BCLAF1: variants seen among roughly 807,000 people sequenced by gnomAD.
BCLAF1 encodes the protein bcl-2-associated transcription factor 1.
A neutral mutation model predicts 99.5 loss-of-function variants in BCLAF1; 10 were observed. The ratio of observed to expected loss-of-function variants is 0.10; its 90% confidence interval spans 0.06 to 0.17. The LOEUF (loss-of-function observed/expected upper bound fraction) is 0.17, where lower values mean the gene tolerates loss of function less well. Ranked by LOEUF, BCLAF1 falls within the 10% of genes least tolerant of loss-of-function variation. BCLAF1 has a pLI of 1.00. For missense variants in BCLAF1, 636 were observed against 1,105.8 expected (o/e 0.58, Z 6.02); for synonymous variants, 255 against 370.9 (o/e 0.69, Z 3.59).
chr6:136,273,125 T>A lies in BCLAF1; in HGVS notation c.1915A>T (p.Thr639Ser), dbSNP rs781345287. The change falls in exon 7 of 13, where the codon ACT (threonine) becomes TCT (serine). Residue 639 changes from threonine to serine, a missense_variant. Physicochemically the swap from Thr to Ser is moderately conservative, Grantham distance 58. Coordinates refer to ENST00000531224, the MANE Select transcript of BCLAF1 (RefSeq NM_014739.3). Reference sequence around the variant, plus strand: ...TTTTGCCGAGTACTATGTTCTTCAGTGGCTTTCTGATACGAAGTGAACCGC... The same window carrying A: ...TTTTGCCGAGTACTATGTTCTTCAGAGGCTTTCTGATACGAAGTGAACCGC... The part of the protein sequence containing the change: ...NERFTSYQKA[T>S]EEHSTRQKSP... 6.2e-7 allele frequency: 1 copy of A among 1,612,310 alleles called. No individual in the cohort carries two copies. Among genetic ancestry groups the A allele is most frequent in the Admixed American group, 1.7e-5 (1 of 59,922 alleles).
At position 136,278,612 on chromosome 6, in the gene BCLAF1, C is replaced by T. The variant is rs370565896; in HGVS notation, c.269G>A (p.Arg90Gln). The T allele has an allele frequency of 1.2e-6, 2 of 1,611,562 alleles. No homozygotes were observed. The highest frequency in any genetic ancestry group is 1.1e-5 in the South Asian group (1 of 90,962). The change falls in exon 4 of 13, where the codon CGA (arginine) becomes CAA (glutamine). Residue 90 changes from arginine to glutamine, a missense_variant. Physicochemically the swap from Arg to Gln is conservative, Grantham distance 43. Transcript: ENST00000531224. ...ATTCCAGACAGGTCTATAACCACCTCGATGATATCTACCTCCTCCTCCTTG... is the reference window on the plus strand; with the variant it reads ...ATTCCAGACAGGTCTATAACCACCTTGATGATATCTACCTCCTCCTCCTTG... Reference protein sequence around the residue: ...YYQGGGGRYHRGGYRPVWNRR... With the variant: ...YYQGGGGRYHQGGYRPVWNRR...
rs550472036 is a variant in BCLAF1, at chr6:136,273,245, T to C, written c.1853-58A>G. 8.5e-4 allele frequency: 1,229 copies of C among 1,451,724 alleles called. 3 individuals carry two copies. Among genetic ancestry groups the C allele is most frequent in the Non-Finnish European group, 1.1e-3 (1,179 of 1,042,542 alleles). 89.9% of individuals were successfully genotyped at this position (1,451,724 alleles called of 1,614,324 possible). A position where few individuals can be genotyped will look rare whatever the true frequency, so the allele number is the denominator to read the frequency against. On this transcript the variant is annotated intron_variant, in intron 6 of 12. Transcript: ENST00000531224. ...TTAACTTTACTTTAAGAGAGATTTG[T>C]TTGTGACAGAAGGGCATGTAGCAGG...
At position 136,269,449 on chromosome 6, in the gene BCLAF1, T is replaced by A. The variant is rs1782191555; in HGVS notation, c.2207A>T (p.Tyr736Phe). The A allele has an allele frequency of 1.2e-6, 2 of 1,606,634 alleles. No homozygotes were observed. Among genetic ancestry groups the A allele is most frequent in the African/African-American group, 1.3e-5 (1 of 74,304 alleles). The change falls in exon 9 of 13, where the codon TAC (tyrosine) becomes TTC (phenylalanine). Residue 736 changes from tyrosine to phenylalanine, a missense_variant. Physicochemically the swap from Tyr to Phe is conservative, Grantham distance 22. This residue lies in a region of BCLAF1 where 180 missense variants were observed against 270.0 expected (regional missense o/e 0.67). Transcript: ENST00000531224. ...TPKDYKEYKS[Y>F]KDDSKHKREQ... ...TTTGAACAATTACCTGTCATCTTTG[T>A]AAGATTTGTATTCCTTGTAATCTTT...
intron 2 of BCLAF1, among the ~76,000 whole-genome samples, chr6:136,281,302 A>C (rs1337879583): frequency 6.6e-6 from 1 of 152,144 alleles, no homozygotes; most frequent in African/African-American, 2.4e-5. Flanking sequence ...ATAAGAAATA[A>C]ATTTAGCATT....
At chr6:136,287,201 T>C (rs1785257741) in intron 1 of BCLAF1, among the ~76,000 whole-genome samples, 1 of 150,914 alleles carries the variant, frequency 6.6e-6, no homozygotes, top group Non-Finnish European at 1.5e-5. Context: ...TCCCAGCTAC[T>C]TGGGAGGCTG....
intron 1 of BCLAF1, among the ~76,000 whole-genome samples, chr6:136,283,055 T>TG (rs1784587140): frequency 6.6e-6 from 1 of 151,844 alleles, no homozygotes; most frequent in South Asian, 2.1e-4. Context: ...CCCAGCTACT[T>TG]GGGAGGCTGA....
chr6:136,281,579 C>G (rs2128488097), intron 2 of BCLAF1, among the ~76,000 whole-genome samples: 1 of 152,304 alleles, frequency 6.6e-6, no homozygotes, highest in African/African-American at 2.4e-5. Flanking sequence ...GATAATCAGA[C>G]ACACTATAAA....
Position 136,277,487 on chromosome 6 carries a change from G to A in BCLAF1, c.1016+378C>T, listed in dbSNP as rs117940776. Among the ~76,000 whole-genome samples, 506 of 152,190 alleles carry A rather than the reference G, an allele frequency of 3.3e-3. 12 individuals carry two copies. The East Asian group carries it at 0.052, about 16-fold the overall frequency. On this transcript the variant is annotated intron_variant, in intron 4 of 12. Transcript: ENST00000531224. Reference sequence around the variant, plus strand: ...TCATCTGTATTTTTAATTCTGGACCGAAAATGGTAAAATTAAGAGGAGGGA... The same window carrying A: ...TCATCTGTATTTTTAATTCTGGACCAAAAATGGTAAAATTAAGAGGAGGGA...
intron 11 of BCLAF1, among the ~76,000 whole-genome samples, chr6:136,266,244 T>G (rs1781699076): frequency 6.6e-6 from 1 of 152,052 alleles, no homozygotes; most frequent in African/African-American, 2.4e-5. Context: ...CAACAATTCC[T>G]CAAGTCCAAT....
At chr6:136,287,884 G>C (rs919057810) in intron 1 of BCLAF1, among the ~76,000 whole-genome samples, 1 of 152,150 alleles carries the variant, frequency 6.6e-6, no homozygotes, top group Non-Finnish European at 1.5e-5. Context: ...AGCCCGGTGT[G>C]GTGGCGGGCG....
At chr6:136,272,893 A>C (rs1782729518) in intron 7 of BCLAF1, among the ~76,000 whole-genome samples, 189 bp downstream of exon 7, 1 of 151,952 alleles carries the variant, frequency 6.6e-6, no homozygotes, top group Non-Finnish European at 1.5e-5. Context: ...AGTTCTAACA[A>C]CCAGTTTCAA....
intron 11 of BCLAF1, among the ~76,000 whole-genome samples, chr6:136,261,998 G>A (rs1781077571): frequency 6.6e-6 from 1 of 152,040 alleles, no homozygotes; most frequent in Non-Finnish European, 1.5e-5. Context: ...CTAGATCAAT[G>A]TACAGTACAT....
At chr6:136,261,514 T>G in intron 11 of BCLAF1, 37 bp from the exon 12 acceptor site, 4 of 1,581,728 alleles carry the variant, frequency 2.5e-6, no homozygotes, top group Non-Finnish European at 3.5e-6. Flanking sequence ...AATGAAATGT[T>G]TCTTGTAAAG....
At chr6:136,274,675 G>A (rs982567862) in intron 6 of BCLAF1, among the ~76,000 whole-genome samples, 1 of 151,914 alleles carries the variant, frequency 6.6e-6, no homozygotes, top group Non-Finnish European at 1.5e-5. Flanking sequence ...TAATTTTAAA[G>A]GCCAACAGTC....
In BCLAF1 at chr6:136,273,107, G is replaced by A. The variant is rs753434972; in HGVS notation, c.1933C>T (p.Arg645Trp). Residue 645 changes from arginine to tryptophan, a missense_variant, in exon 7 of 13, where the codon CGG becomes TGG. Transcript: ENST00000531224. ...YQKATEEHST[R>W]QKSPEIHRRI... is the part of the protein sequence containing the mutation. ...CTGTGTATTTCAGGGCTCTTTTGCC[G>A]AGTACTATGTTCTTCAGTGGCTTTC... 18 of 1,611,548 alleles carry A rather than the reference G, an allele frequency of 1.1e-5. No individual in the cohort carries two copies. In the East Asian group the frequency reaches 1.3e-4, roughly 12 times the overall value.
At position 136,258,079 on chromosome 6, in the gene BCLAF1, T is replaced by C. The variant is rs936745958; in HGVS notation, c.*3031A>G. ...TTTGCCATTTGTATGAGTCAAAATG[T>C]GTCAGTTTGTCTTAGTACACAAATT... On this transcript the variant is annotated 3_prime_UTR_variant, in exon 13 of 13. Coordinates refer to ENST00000531224, the MANE Select transcript of BCLAF1 (RefSeq NM_014739.3). The C allele has an allele frequency of 2.6e-5, 4 of 152,130 alleles. No homozygotes were observed. Among genetic ancestry groups the C allele is most frequent in the Non-Finnish European group, 5.9e-5 (4 of 67,948 alleles). The allele number at this position is 152,130 out of a possible 1,614,324, so 9.4% of individuals were successfully genotyped here. A position where few individuals can be genotyped will look rare whatever the true frequency, so the allele number is the denominator to read the frequency against.
At chr6:136,268,981 A>C in intron 9 of BCLAF1, 4 of 428,726 alleles carry the variant, frequency 9.3e-6, no homozygotes, top group Non-Finnish European at 1.3e-5. Flanking sequence ...TTTCCAAGGA[A>C]ATATTATTTT....
At chr6:136,280,278 A>T (rs1784197134) in intron 2 of BCLAF1, among the ~76,000 whole-genome samples, 1 of 152,220 alleles carries the variant, frequency 6.6e-6, no homozygotes, top group Admixed American at 6.5e-5. Context: ...ACTGAAATAA[A>T]ATAAAGTGTC....
chr6:136,258,656 CTGAG>C lies in BCLAF1; in HGVS notation c.*2450_*2453del, dbSNP rs1780625181. 6.6e-6 allele frequency: 1 copy of C among 152,526 alleles called. No individual in the cohort carries two copies. Among genetic ancestry groups the C allele is most frequent in the African/African-American group, 2.4e-5 (1 of 41,450 alleles). 9.4% of individuals were successfully genotyped at this position (152,526 alleles called of 1,614,324 possible). On this transcript the variant is annotated 3_prime_UTR_variant, in exon 13 of 13. Transcript: ENST00000531224. ...CCCTGTTGCATCATTATACATCACA[CTGAG>C]TAAGAATCGTTTAGCCATCTACATT...
Sources: gnomAD v4.1 joint callset for allele counts (sites outside exome capture counted in the v4.1 genomes callset) on GRCh38, gnomAD v4.1.1 for gene constraint, gnomAD v4.1.1 regional missense constraint, MANE v1.5 for transcripts, NCBI Gene and HGNC (gene_info 2026-07-23, HGNC 2026-07-21) for gene names.